Variants in GABRP observed in about 807,000 individuals in gnomAD.
GABRP encodes the protein gamma-aminobutyric acid type A receptor subunit pi.
GABRP carries 52 observed loss-of-function variants against 47.8 expected under a neutral mutation model. That is an observed-to-expected ratio of 1.09 (90% CI 0.87 to 1.37). GABRP has a LOEUF of 1.37. GABRP is among the 40% of genes most tolerant of loss of function. The probability of loss-of-function intolerance (pLI) is 0.00; values close to 1 mark genes in which losing one functional copy is unlikely to be tolerated. For synonymous variants in GABRP, 221 were observed against 205.8 expected (o/e 1.07, Z -0.63); for missense variants, 525 against 542.8 (o/e 0.97, Z 0.33).
chr5:170,788,738 G>A (rs976044194), intron 2 of GABRP, 70 bp downstream of exon 2: 10 of 1,434,922 alleles, frequency 7.0e-6, no homozygotes, highest in South Asian at 1.1e-5. Context: ...GTGGGAGGGG[G>A]CAGCTCCTCC....
chr5:170,789,644 G>A (rs1765216212), intron 3 of GABRP, among the ~76,000 whole-genome samples: 1 of 152,082 alleles, frequency 6.6e-6, no homozygotes, highest in African/African-American at 2.4e-5. Context: ...TGCCTCCTGG[G>A]TCATTGCCCT....
At chr5:170,806,524 C>G (rs1404437421) in intron 7 of GABRP, among the ~76,000 whole-genome samples, 1 of 151,846 alleles carries the variant, frequency 6.6e-6, no homozygotes, top group Non-Finnish European at 1.5e-5. Flanking sequence ...CTCACTGCAA[C>G]CTTCGCCTCC....
At chr5:170,787,614 C>G (rs1213645425) in intron 1 of GABRP, among the ~76,000 whole-genome samples, 2 of 143,440 alleles carry the variant, frequency 1.4e-5, no homozygotes, top group Non-Finnish European at 3.0e-5. Context: ...GAAGAGAGTA[C>G]CGGGGGGGAG....
intron 1 of GABRP, among the ~76,000 whole-genome samples, chr5:170,785,736 T>TAGG (rs1267757928): frequency 6.6e-6 from 1 of 152,110 alleles, no homozygotes; most frequent in Non-Finnish European, 1.5e-5. Context: ...CCATTTCCTA[T>TAGG]AGGAGGAGGA....
Position 170,797,490 on chromosome 5 carries a change from C to T in GABRP, c.483C>T (p.Asn161=). The stretch of plus-strand genomic sequence containing the variant: ...GAATCACGACAACTGTTGCATGTAA[C>T]ATGGATCTGTCTAAATACCCCATGG... ...ALRITTTVAC[N]MDLSKYPMDT... is the part of the protein sequence containing the mutation. The change falls in exon 6 of 10, where the codon AAC becomes AAT. Residue 161 remains asparagine (N), a synonymous_variant. Transcript: ENST00000265294. 1 of 1,612,244 alleles carries T rather than the reference C, an allele frequency of 6.2e-7. No homozygotes were observed. Among genetic ancestry groups the T allele is most frequent in the South Asian group, 1.1e-5 (1 of 91,030 alleles).
rs1765832391 is a variant in GABRP, at chr5:170,809,704, A to G, written c.969A>G (p.Glu323=). The G allele has an allele frequency of 3.7e-6, 6 of 1,612,276 alleles. No individual in the cohort carries two copies. Among genetic ancestry groups the G allele is most frequent in the Non-Finnish European group, 5.1e-6 (6 of 1,179,148 alleles). ...GCTTTGTGTTTGGGGCCTTGCTAGA[A>G]TATGCAGTTGCTCACTACAGTTCCT... The part of the protein sequence containing the change: ...CFSFVFGALL[E]YAVAHYSSLQ... The change falls in exon 9 of 10, where the codon GAA becomes GAG. Residue 323 remains glutamate, a synonymous_variant. Coordinates refer to ENST00000265294, the MANE Select transcript of GABRP (RefSeq NM_014211.3).
At chr5:170,787,989 G>T (rs751164397) in intron 1 of GABRP, among the ~76,000 whole-genome samples, 1 of 152,192 alleles carries the variant, frequency 6.6e-6, no homozygotes, top group Non-Finnish European at 1.5e-5. Flanking sequence ...GGATAAACTG[G>T]CTGCATTTCT....
intron 1 of GABRP, among the ~76,000 whole-genome samples, chr5:170,785,594 T>G (rs1189593560): frequency 6.6e-6 from 1 of 152,202 alleles, no homozygotes; most frequent in African/African-American, 2.4e-5. Flanking sequence ...ATGAGACTCC[T>G]TAGAGGAGGC....
At chr5:170,806,217 C>G (rs1468080260) in intron 7 of GABRP, among the ~76,000 whole-genome samples, 1 of 152,194 alleles carries the variant, frequency 6.6e-6, no homozygotes, top group Non-Finnish European at 1.5e-5. Context: ...AAGACAGCAG[C>G]AATGCCCAAC....
chr5:170,798,306 G>T (rs986029522), intron 6 of GABRP, among the ~76,000 whole-genome samples: 1 of 152,178 alleles, frequency 6.6e-6, no homozygotes, highest in African/African-American at 2.4e-5. Context: ...CTCCCAAAGT[G>T]CTGAGATTAC....
At chr5:170,793,383 G>A (rs1021196614) in intron 3 of GABRP, among the ~76,000 whole-genome samples, 12 of 152,196 alleles carry the variant, frequency 7.9e-5, no homozygotes, top group Admixed American at 7.9e-4. Flanking sequence ...TGACACCTCA[G>A]TCTCTAGAGA....
At chr5:170,790,240 TAACA>T (rs1377943230) in intron 3 of GABRP, among the ~76,000 whole-genome samples, 2 of 152,190 alleles carry the variant, frequency 1.3e-5, no homozygotes, top group Non-Finnish European at 2.9e-5. Flanking sequence ...CCTTGGCATT[TAACA>T]AACCTGAGTT....
intron 6 of GABRP, among the ~76,000 whole-genome samples, chr5:170,798,533 T>A (rs186682425): frequency 4.6e-5 from 7 of 152,264 alleles, no homozygotes; most frequent in African/African-American, 1.7e-4. Flanking sequence ...TTTTAATATT[T>A]AATTTATGCC....
At position 170,812,387 on chromosome 5, in the gene GABRP, T is replaced by A; in HGVS notation, c.*129T>A. 1 of 722,422 alleles carries A rather than the reference T, an allele frequency of 1.4e-6. No individual in the cohort carries two copies. Among genetic ancestry groups the A allele is most frequent in the Non-Finnish European group, 2.3e-6 (1 of 438,130 alleles). 44.8% of individuals were successfully genotyped at this position (722,422 alleles called of 1,614,324 possible). ...AGTGACTGAAATAATATTTGAGTCT[T>A]TCTGCTCAAAGAATGAAGCTCCAAC... On this transcript the variant is annotated 3_prime_UTR_variant, in exon 10 of 10. Transcript: ENST00000265294.
intron 6 of GABRP, among the ~76,000 whole-genome samples, chr5:170,799,886 G>T (rs1765541633): frequency 6.6e-6 from 1 of 152,156 alleles, no homozygotes; most frequent in Admixed American, 6.5e-5. Flanking sequence ...TGGATAGGAA[G>T]AATCAATATC....
intron 1 of GABRP, among the ~76,000 whole-genome samples, chr5:170,784,090 C>T (rs1765068933): frequency 6.6e-6 from 1 of 152,090 alleles, no homozygotes; most frequent in Non-Finnish European, 1.5e-5. Context: ...TGTGCAGCAG[C>T]TGGCCAAGAC....
In GABRP at chr5:170,813,019, C is replaced by T. The variant is rs1765933956; in HGVS notation, c.*761C>T. 6.6e-6 allele frequency: 1 copy of T among 152,174 alleles called. No individual in the cohort carries two copies. Among genetic ancestry groups the T allele is most frequent in the South Asian group, 2.1e-4 (1 of 4,824 alleles). 9.4% of individuals were successfully genotyped at this position (152,174 alleles called of 1,614,324 possible). A position where few individuals can be genotyped will look rare whatever the true frequency, so the allele number is the denominator to read the frequency against. ...TATCATTTTATTATTATACACACAT[C>T]CATCCTAAACTATACTAAAGCCCTT... On this transcript the variant is annotated 3_prime_UTR_variant, in exon 10 of 10. Transcript: ENST00000265294.
In GABRP at chr5:170,813,568, G is replaced by A. The variant is rs1765948269; in HGVS notation, c.*1310G>A. On this transcript the variant is annotated 3_prime_UTR_variant, in exon 10 of 10. Coordinates refer to ENST00000265294, the MANE Select transcript of GABRP (RefSeq NM_014211.3). Reference sequence around the variant, plus strand: ...GCCAGAGATGCACATTCCTCGGCCAGTCTCAGCCAACAGTACCAAAAGTGA... The same window carrying A: ...GCCAGAGATGCACATTCCTCGGCCAATCTCAGCCAACAGTACCAAAAGTGA... The A allele has an allele frequency of 6.6e-6, 1 of 152,242 alleles. No individual in the cohort carries two copies. The highest frequency in any genetic ancestry group is 1.5e-5 in the Non-Finnish European group (1 of 68,052). 9.4% of individuals were successfully genotyped at this position (152,242 alleles called of 1,614,324 possible).
At chr5:170,801,813 TTAAA>T (rs1765600156) in intron 6 of GABRP, among the ~76,000 whole-genome samples, 1 of 150,866 alleles carries the variant, frequency 6.6e-6, no homozygotes, top group Non-Finnish European at 1.5e-5. Context: ...GTGCAGGACT[TTAAA>T]TAATTATAAC....
Sources: gnomAD v4.1 joint callset for allele counts (sites outside exome capture counted in the v4.1 genomes callset) on GRCh38, gnomAD v4.1.1 for gene constraint, MANE v1.5 for transcripts, NCBI Gene and HGNC (gene_info 2026-07-23, HGNC 2026-07-21) for gene names.